Variants in ATF1 observed in about 807,000 individuals in gnomAD.
ATF1 encodes the protein cyclic AMP-dependent transcription factor ATF-1.
A neutral mutation model predicts 34.7 loss-of-function variants in ATF1; 16 were observed. That is an observed-to-expected ratio of 0.46 (90% confidence interval 0.31 to 0.70). ATF1 has a LOEUF of 0.70. ATF1 is among the 30% of genes least tolerant of loss of function. ATF1 has a pLI of 0.05. For missense variants in ATF1, 255 were observed against 321.6 expected, an observed-to-expected ratio of 0.79 and a Z score of 1.58; for synonymous variants, 105 against 113.1, an observed-to-expected ratio of 0.93 and a Z score of 0.46.
rs150567178 is a variant in ATF1, at chr12:50,799,680, A to G, written c.194+3671A>G. On this transcript the variant is annotated intron_variant, in intron 3 of 6. Coordinates refer to ENST00000262053, the MANE Select transcript of ATF1 (RefSeq NM_005171.5). ...GCCAAAAATAGAGCATATAAAGAGA[A>G]TAAAATAGAGATTTCAGAGCTAAGA... Among the ~76,000 whole-genome samples, 481 of 152,332 alleles carry G rather than the reference A, an allele frequency of 3.2e-3. 4 individuals are homozygous for G. Among genetic ancestry groups the G allele is most frequent in the African/African-American group, 0.011 (461 of 41,588 alleles).
chr12:50,765,738 A>C (rs1940617193), intron 1 of ATF1, among the ~76,000 whole-genome samples: 1 of 152,324 alleles, frequency 6.6e-6, no homozygotes, highest in African/African-American at 2.4e-5. Context: ...AAGCCGGCCA[A>C]AACTGAAATG....
intron 3 of ATF1, among the ~76,000 whole-genome samples, chr12:50,801,792 C>A (rs1156790942): frequency 1.3e-5 from 2 of 152,162 alleles, no homozygotes; most frequent in South Asian, 2.1e-4. Flanking sequence ...AACTGCTCAA[C>A]AAATACATAG....
intron 1 of ATF1, among the ~76,000 whole-genome samples, chr12:50,778,930 C>A (rs1052451925): frequency 6.6e-6 from 1 of 152,160 alleles, no homozygotes; most frequent in African/African-American, 2.4e-5. Flanking sequence ...TGCTCCTTCC[C>A]TTAGTCCCTG....
At chr12:50,814,790 T>C (rs1941808432) in intron 6 of ATF1, among the ~76,000 whole-genome samples, 1 of 152,030 alleles carries the variant, frequency 6.6e-6, no homozygotes, top group African/African-American at 2.4e-5. Flanking sequence ...ACTATACTTT[T>C]AATCATTATT....
chr12:50,814,765 C>T (rs1463724693), intron 6 of ATF1, among the ~76,000 whole-genome samples: 1 of 150,890 alleles, frequency 6.6e-6, no homozygotes, highest in African/African-American at 2.4e-5. Context: ...TAATATGTTA[C>T]TGGTTTATGA....
intron 1 of ATF1, among the ~76,000 whole-genome samples, chr12:50,776,282 C>T (rs1009079835): frequency 5.1e-5 from 6 of 118,526 alleles, no homozygotes; most frequent in African/African-American, 1.4e-4. Flanking sequence ...TCCCACTGCA[C>T]TCCAGCCTGG....
At position 50,820,047 on chromosome 12, in the gene ATF1, A is replaced by G. The variant is rs958018838; in HGVS notation, c.*268A>G. On this transcript the variant is annotated 3_prime_UTR_variant, in exon 7 of 7. Transcript: ENST00000262053. The stretch of plus-strand genomic sequence containing the variant: ...TTTCAGCAGTCTAAATTTTCTAAAT[A>G]ACCAATAGTTGCCAATCTAAAATGG... 1.7e-5 allele frequency: 5 copies of G among 295,128 alleles called. No homozygotes were observed. The highest frequency in any genetic ancestry group is 9.5e-5 in the Admixed American group (2 of 21,046). 18.3% of individuals were successfully genotyped at this position (295,128 alleles called of 1,614,324 possible).
chr12:50,811,792 A>G (rs1270196963), intron 4 of ATF1, among the ~76,000 whole-genome samples: 3 of 152,118 alleles, frequency 2.0e-5, no homozygotes, highest in Admixed American at 1.3e-4. Context: ...CCAGTCTCAG[A>G]AAAAGAAGAA....
chr12:50,791,819 T>C (rs562925014), intron 2 of ATF1, among the ~76,000 whole-genome samples: 181 of 152,310 alleles, frequency 1.2e-3, no homozygotes, highest in African/African-American at 4.0e-3. Context: ...TGGACTTTTC[T>C]TAGTTTAGCA....
chr12:50,773,692 C>T (rs1013109027), intron 1 of ATF1, among the ~76,000 whole-genome samples: 2 of 151,928 alleles, frequency 1.3e-5, no homozygotes, highest in African/African-American at 4.8e-5. Context: ...TGGGTTCAGG[C>T]GATTCTCCTG....
chr12:50,786,048 A>G (rs1277989081), intron 2 of ATF1, among the ~76,000 whole-genome samples: 1 of 152,184 alleles, frequency 6.6e-6, no homozygotes, highest in East Asian at 1.9e-4. Flanking sequence ...GCTGCAGATC[A>G]TGGGGGCCAC....
At chr12:50,767,148 A>C (rs918334369) in intron 1 of ATF1, among the ~76,000 whole-genome samples, 3 of 152,154 alleles carry the variant, frequency 2.0e-5, no homozygotes, top group Non-Finnish European at 4.4e-5. Flanking sequence ...GGATGCTGGC[A>C]AAAGGGTAAG....
At chr12:50,764,439 G>A (rs1403095338) in intron 1 of ATF1, 132 bp downstream of exon 1, 1 of 151,536 alleles carries the variant, frequency 6.6e-6, no homozygotes, top group Admixed American at 6.6e-5. Context: ...GGTGGGGGAG[G>A]GGCGCAGCGG....
At chr12:50,776,734 T>C (rs1389776898) in intron 1 of ATF1, among the ~76,000 whole-genome samples, 1 of 152,206 alleles carries the variant, frequency 6.6e-6, no homozygotes, top group Non-Finnish European at 1.5e-5. Flanking sequence ...TAAGTAATTC[T>C]CTTTTTTGGA....
chr12:50,772,531 G>A (rs1394828478), intron 1 of ATF1, among the ~76,000 whole-genome samples: 1 of 151,878 alleles, frequency 6.6e-6, no homozygotes, highest in African/African-American at 2.4e-5. Flanking sequence ...TCACCATGTT[G>A]GTCAGGTTGG....
At chr12:50,793,109 A>G (rs1941339275) in intron 2 of ATF1, among the ~76,000 whole-genome samples, 1 of 152,290 alleles carries the variant, frequency 6.6e-6, no homozygotes, top group Non-Finnish European at 1.5e-5. Flanking sequence ...CTAGAGCTGC[A>G]TCTTTATGTG....
At chr12:50,774,729 A>G (rs1940868284) in intron 1 of ATF1, among the ~76,000 whole-genome samples, 1 of 151,618 alleles carries the variant, frequency 6.6e-6, no homozygotes, top group Non-Finnish European at 1.5e-5. Flanking sequence ...TTTTGGAAAA[A>G]AGAGTTTTTT....
At chr12:50,766,183 C>T (rs958366246) in intron 1 of ATF1, among the ~76,000 whole-genome samples, 2 of 152,118 alleles carry the variant, frequency 1.3e-5, no homozygotes, top group Admixed American at 1.3e-4. Flanking sequence ...TTTGTGGTGG[C>T]CACAGAAGCG....
intron 2 of ATF1, among the ~76,000 whole-genome samples, chr12:50,783,682 A>G (rs1205006181): frequency 6.6e-6 from 1 of 152,016 alleles, no homozygotes; most frequent in African/African-American, 2.4e-5. Context: ...AGCCTGGCCA[A>G]GATGGTGAAA....
Sources: gnomAD v4.1 joint callset for allele counts (sites outside exome capture counted in the v4.1 genomes callset) on GRCh38, gnomAD v4.1.1 for gene constraint, MANE v1.5 for transcripts, NCBI Gene and HGNC (gene_info 2026-07-23, HGNC 2026-07-21) for gene names.